CLSTN1: variants seen among roughly 807,000 people sequenced by gnomAD.
The protein encoded by CLSTN1 is calsyntenin 1.
CLSTN1 carries 28 observed loss-of-function variants against 108.3 expected under a neutral mutation model. That is an observed-to-expected ratio of 0.26 (90% CI 0.19 to 0.35). The LOEUF is 0.35. Ranked by LOEUF, CLSTN1 falls within the 10% of genes least tolerant of loss-of-function variation. The pLI, the probability that CLSTN1 is intolerant of heterozygous loss-of-function variation, is 1.00. For missense variants in CLSTN1, 1,157 were observed against 1,302.6 expected (o/e 0.89, Z 1.72); for synonymous variants, 524 against 534.9 (o/e 0.98, Z 0.28).
At chr1:9,824,333 G>C (rs757064755), upstream of CLSTN1, 16 of 152,070 alleles carry the variant, frequency 1.1e-4, no homozygotes, top group Non-Finnish European at 2.2e-4. The surrounding 1 kb of genome is among the most constrained non-coding windows in gnomAD (Gnocchi z 5.0). Context: ...CGGTACCCGG[G>C]GACCCGCTCC....
At chr1:9,746,058 G>A (rs546978722) in intron 7 of CLSTN1, among the ~76,000 whole-genome samples, 47 of 151,960 alleles carry the variant, frequency 3.1e-4, no homozygotes, top group Non-Finnish European at 5.7e-4. Flanking sequence ...GTGAGCCACC[G>A]CGCTCGGCCT....
At chr1:9,731,102 G>C (rs372857026) in intron 18 of CLSTN1, 104 bp downstream of exon 18, 3 of 1,339,968 alleles carry the variant, frequency 2.2e-6, no homozygotes, top group South Asian at 2.3e-5. Context: ...AGCAGATGAC[G>C]CGATGGAAAG....
chr1:9,773,275 C>A lies in CLSTN1; in HGVS notation c.211G>T (p.Ala71Ser). 6.2e-7 allele frequency: 1 copy of A among 1,613,994 alleles called. No homozygotes were observed. Among genetic ancestry groups the A allele is most frequent in the Non-Finnish European group, 8.5e-7 (1 of 1,179,934 alleles). ...ALDKDAPLRF[A>S]ESFEVTVTKE... ...TCAATGAAAGCCCCGTTCCTACCTG[C>A]AAATCGCAGAGGCGCATCTTTATCC... Residue 71 changes from alanine (A) to serine (S), a missense_variant, in exon 2 of 19, where the codon GCA becomes TCA. Ala to Ser is a moderately conservative substitution (Grantham distance 99, BLOSUM62 1). Transcript: ENST00000377298.
At chr1:9,788,144 T>C (rs1221596734) in intron 1 of CLSTN1, among the ~76,000 whole-genome samples, 1 of 151,466 alleles carries the variant, frequency 6.6e-6, no homozygotes, top group Non-Finnish European at 1.5e-5. Flanking sequence ...TAGTCCCGCC[T>C]ACTTGGGAGG....
intron 1 of CLSTN1, among the ~76,000 whole-genome samples, chr1:9,779,345 G>C (rs1653133442): frequency 6.6e-6 from 1 of 152,152 alleles, no homozygotes; most frequent in Non-Finnish European, 1.5e-5. Flanking sequence ...GGTCAAGGCA[G>C]GCCAATTACC....
At chr1:9,807,937 GC>G (rs1654576505) in intron 1 of CLSTN1, among the ~76,000 whole-genome samples, 1 of 152,190 alleles carries the variant, frequency 6.6e-6, no homozygotes, top group African/African-American at 2.4e-5. Context: ...CGGCCTCCTA[GC>G]CCCTTCATCC....
chr1:9,735,126 G>A lies in CLSTN1; in HGVS notation c.1932C>T (p.Tyr644=), dbSNP rs777181855. 5 of 1,614,088 alleles carry A rather than the reference G, an allele frequency of 3.1e-6. No homozygotes were observed. The highest frequency in any genetic ancestry group is 1.3e-5 in the African/African-American group (1 of 74,928). Residue 644 remains tyrosine, a synonymous_variant, in exon 14 of 19, where the codon TAC becomes TAT. Coordinates refer to ENST00000377298, the MANE Select transcript of CLSTN1 (RefSeq NM_001009566.3). ...GCTCCTCGGGCTGTAAAACCATCAC[G>A]TAGCCATCTACCGGGGGGACCGAAA... The part of the protein sequence containing the change: ...TCISVPPVDG[Y]VMVLQPEEPK...
chr1:9,817,298 T>G (rs987940607), intron 1 of CLSTN1, among the ~76,000 whole-genome samples: 2 of 152,168 alleles, frequency 1.3e-5, no homozygotes, highest in African/African-American at 2.4e-5. Context: ...TACTTCTTAT[T>G]GGGGTTCCGG....
chr1:9,803,913 TTTTCAACTACTGAAC>T (rs1450427687), intron 1 of CLSTN1, among the ~76,000 whole-genome samples: 1 of 152,208 alleles, frequency 6.6e-6, no homozygotes, highest in Non-Finnish European at 1.5e-5. Flanking sequence ...GTGGTAATCT[TTTTCAACTACTGAAC>T]TTTTGTTAAA....
intron 15 of CLSTN1, 72 bp downstream of exon 15, chr1:9,733,900 C>T: frequency 3.4e-6 from 5 of 1,460,902 alleles, no homozygotes; most frequent in South Asian, 2.6e-5. Context: ...TGGCAGGCAG[C>T]AGCCAGCCAA....
intron 1 of CLSTN1, among the ~76,000 whole-genome samples, chr1:9,799,503 T>C (rs2101262352): frequency 6.6e-6 from 1 of 150,888 alleles, no homozygotes; most frequent in Non-Finnish European, 1.5e-5. Context: ...TAGCTGGGCA[T>C]GGTGGCGGGC....
At chr1:9,805,653 G>A (rs1171299907) in intron 1 of CLSTN1, among the ~76,000 whole-genome samples, 2 of 152,070 alleles carry the variant, frequency 1.3e-5, no homozygotes, top group Non-Finnish European at 2.9e-5. Flanking sequence ...GATCACCTGA[G>A]GTCAGGAGTT....
At chr1:9,782,072 G>A (rs1420925567) in intron 1 of CLSTN1, among the ~76,000 whole-genome samples, 1 of 152,148 alleles carries the variant, frequency 6.6e-6, no homozygotes, top group African/African-American at 2.4e-5. Context: ...TAAAATAAGA[G>A]CATGGAAAAC....
chr1:9,740,637 G>T (rs1570439847), intron 10 of CLSTN1, among the ~76,000 whole-genome samples: 1 of 152,164 alleles, frequency 6.6e-6, no homozygotes, highest in African/African-American at 2.4e-5. Context: ...AGGGTGAACA[G>T]AGCCCTCGCA....
At chr1:9,778,509 T>C (rs1653067154) in intron 1 of CLSTN1, among the ~76,000 whole-genome samples, 1 of 152,130 alleles carries the variant, frequency 6.6e-6, no homozygotes, top group Non-Finnish European at 1.5e-5. Flanking sequence ...GTGGATGTTC[T>C]GAGCAAGAGA....
chr1:9,791,475 C>A (rs1486595446), intron 1 of CLSTN1, among the ~76,000 whole-genome samples: 1 of 151,522 alleles, frequency 6.6e-6, no homozygotes, highest in Non-Finnish European at 1.5e-5. Context: ...CTCAAGCAAT[C>A]CCCCTGCCTT....
intron 10 of CLSTN1, among the ~76,000 whole-genome samples, chr1:9,740,373 A>C (rs534186166): frequency 4.9e-4 from 74 of 152,302 alleles, no homozygotes; most frequent in Admixed American, 1.1e-3. Flanking sequence ...AGGCTTCTCA[A>C]AGTAAAAAAA....
intron 1 of CLSTN1, among the ~76,000 whole-genome samples, chr1:9,817,746 T>G (rs1655028623): frequency 6.6e-6 from 1 of 152,174 alleles, no homozygotes; most frequent in Non-Finnish European, 1.5e-5. Flanking sequence ...TGTGAAAATT[T>G]TTAATCTAAT....
chr1:9,818,185 T>G, intron 1 of CLSTN1, among the ~76,000 whole-genome samples: 1 of 150,880 alleles, frequency 6.6e-6, no homozygotes, highest in African/African-American at 2.4e-5. Flanking sequence ...TTGTTTTGTA[T>G]TTTTAGTAGA....
Sources: gnomAD v4.1 joint callset for allele counts (sites outside exome capture counted in the v4.1 genomes callset) on GRCh38, gnomAD v4.1.1 for gene constraint, Gnocchi (gnomAD v3.1) non-coding constraint, MANE v1.5 for transcripts, NCBI Gene and HGNC (gene_info 2026-07-23, HGNC 2026-07-21) for gene names.